SRSF3: variants seen among roughly 807,000 people sequenced by gnomAD.
SRSF3 encodes serine/arginine-rich splicing factor 3.
For missense variants in SRSF3, 58 were observed against 217.1 expected (o/e 0.27, Z 4.61); for synonymous variants, 87 against 73.6 (o/e 1.18, Z -0.93).
In SRSF3 at chr6:36,598,931, G is replaced by A. The variant is rs1322756151; in HGVS notation, c.289G>A (p.Gly97Ser). Residue 97 changes from glycine (G) to serine (S), a missense_variant, in exon 3 of 6, where the codon GGT (glycine) becomes AGT (serine). Coordinates refer to ENST00000373715, the MANE Select transcript of SRSF3 (RefSeq NM_003017.5). ...AAATCGTGGCCCACCTCCCTCTTGG[G>A]GTCGTCGCCCTCGAGATGATTATCG... ...SRNRGPPPSW[G>S]RRPRDDYRRR... 6.2e-7 allele frequency: 1 copy of A among 1,614,172 alleles called. No individual in the cohort carries two copies. The highest frequency in any genetic ancestry group is 1.7e-5 in the Admixed American group (1 of 60,024).
chr6:36,598,744 A>G lies in SRSF3; in HGVS notation c.207-105A>G. 6 of 1,319,804 alleles carry G rather than the reference A, an allele frequency of 4.5e-6. No individual in the cohort carries two copies. The South Asian group carries it at 5.5e-5, about 12-fold the overall frequency. 81.8% of individuals were successfully genotyped at this position (1,319,804 alleles called of 1,614,324 possible). On this transcript the variant is annotated intron_variant, in intron 2 of 5. Coordinates refer to ENST00000373715, the MANE Select transcript of SRSF3 (RefSeq NM_003017.5). ...AAATTTGATGTTAAATTGCACAGAC[A>G]CTTAGGTGTGTTCTTTGCAGAATAG... is the stretch of plus-strand genomic sequence containing the variant.
At position 36,601,199 on chromosome 6, in the gene SRSF3, C is replaced by G; in HGVS notation, c.380+9C>G. The stretch of plus-strand genomic sequence containing the variant: ...TCTCGCAGCCGGAGCAGGTAAATGA[C>G]TACCTTTTTTGGCTACGTTCTTAGA... On this transcript the variant is annotated intron_variant, in intron 4 of 5. Coordinates refer to ENST00000373715, the MANE Select transcript of SRSF3 (RefSeq NM_003017.5). 1 of 1,613,458 alleles carries G rather than the reference C, an allele frequency of 6.2e-7. No homozygotes were observed. The highest frequency in any genetic ancestry group is 1.7e-5 in the Admixed American group (1 of 59,936).
intron 5 of SRSF3, 77 bp from the exon 6 acceptor site, chr6:36,601,885 C>A (rs999384471): frequency 2.5e-6 from 4 of 1,574,418 alleles, no homozygotes; most frequent in Non-Finnish European, 3.4e-6. Context: ...CCTTAAAGTT[C>A]TATTTCGATA....
In SRSF3 at chr6:36,604,701, T is replaced by A. The variant is rs189553792; in HGVS notation, c.*2712T>A. On this transcript the variant is annotated 3_prime_UTR_variant, in exon 6 of 6. Coordinates refer to ENST00000373715, the MANE Select transcript of SRSF3 (RefSeq NM_003017.5). ...TGGAAAATCCAGGTTATTACTACAT[T>A]CATTTTAGTACAGTGCTGCCTAATT... The A allele has an allele frequency of 2.6e-5, 4 of 155,604 alleles. No homozygotes were observed. The East Asian group carries it at 7.0e-4, about 27-fold the overall frequency. The allele number at this position is 155,604 out of a possible 1,614,324, so 9.6% of individuals were successfully genotyped here. A position where few individuals can be genotyped will look rare whatever the true frequency, so the allele number is the denominator to read the frequency against.
In SRSF3 at chr6:36,605,482, C is replaced by G. The variant is rs993166283; in HGVS notation, c.*3493C>G. 6.8e-6 allele frequency: 1 copy of G among 146,090 alleles called. No individual in the cohort carries two copies. Among genetic ancestry groups the G allele is most frequent in the Admixed American group, 6.7e-5 (1 of 14,866 alleles). The allele number at this position is 146,090 out of a possible 1,614,324, so 9.0% of individuals were successfully genotyped here. Reference sequence around the variant, plus strand: ...TCCAGCCTGAGTGAAAGCAAAACTTCGTCTCCAAAAAAAAAAAAAAAGTTT... The same window carrying G: ...TCCAGCCTGAGTGAAAGCAAAACTTGGTCTCCAAAAAAAAAAAAAAAGTTT... On this transcript the variant is annotated 3_prime_UTR_variant, in exon 6 of 6. Transcript: ENST00000373715.
chr6:36,601,028 GACGA>G, intron 3 of SRSF3, 120 bp from the exon 4 acceptor site: 2 of 81,548 alleles, frequency 2.5e-5, no homozygotes, highest in Non-Finnish European at 2.1e-5. Context: ...TTTTTTTTTG[GACGA>G]TGGGTGCCAG....
intron 3 of SRSF3, 166 bp from the exon 4 acceptor site, chr6:36,600,986 T>TA (rs1778701596): frequency 2.0e-6 from 1 of 496,088 alleles, no homozygotes. Flanking sequence ...GCCTTTTTTT[T>TA]CTTTTCTTTT....
At chr6:36,594,897 A>C (rs1018900080) in intron 1 of SRSF3, 9 of 151,806 alleles carry the variant, frequency 5.9e-5, no homozygotes, top group African/African-American at 2.2e-4. Context: ...TAGTCACCTT[A>C]CTTTCATGTA....
chr6:36,601,247 C>T (rs1265921300), intron 4 of SRSF3, 57 bp downstream of exon 4: 9 of 1,585,620 alleles, frequency 5.7e-6, no homozygotes, highest in Admixed American at 3.4e-5. Context: ...TCTGCTATTC[C>T]TAAACTTTTC....
At position 36,601,171 on chromosome 6, in the gene SRSF3, T is replaced by G. The variant is rs1331950122; in HGVS notation, c.361T>G (p.Phe121Val). ...TTTTAGATCTCCAAGAAGGAGAAGC[T>G]TCTCTCGCAGCCGGAGCAGGTAAAT... The part of the protein sequence containing the change: ...PRRRSPRRRS[F>V]SRSRSRSLSR... The change falls in exon 4 of 6, where the codon TTC (phenylalanine) becomes GTC (valine). Residue 121 changes from phenylalanine (F) to valine (V), a missense_variant. Physicochemically the swap from Phe to Val is conservative, Grantham distance 50 (BLOSUM62 -1). Coordinates refer to ENST00000373715, the MANE Select transcript of SRSF3 (RefSeq NM_003017.5). 4 of 1,613,780 alleles carry G rather than the reference T, an allele frequency of 2.5e-6. No homozygotes were observed. Among genetic ancestry groups the G allele is most frequent in the African/African-American group, 1.3e-5 (1 of 74,860 alleles).
chr6:36,596,049 C>T (rs1483290705), intron 1 of SRSF3, among the ~76,000 whole-genome samples: 1 of 152,084 alleles, frequency 6.6e-6, no homozygotes, highest in Non-Finnish European at 1.5e-5. Flanking sequence ...CTCAGCCTCC[C>T]GAGTAGCTGG....
intron 1 of SRSF3, among the ~76,000 whole-genome samples, chr6:36,595,458 C>T (rs1275163038): frequency 1.3e-5 from 2 of 152,192 alleles, no homozygotes. Context: ...GTCACCTCCC[C>T]CCGCAGGAGA....
At chr6:36,596,510 G>GT (rs1478040455) in intron 1 of SRSF3, among the ~76,000 whole-genome samples, 4 of 124,390 alleles carry the variant, frequency 3.2e-5, no homozygotes, top group Non-Finnish European at 4.8e-5. Context: ...CAAGGAAGCT[G>GT]TTTTTTTCTT....
chr6:36,596,582 G>GGGGGC (rs1219398166), intron 1 of SRSF3, among the ~76,000 whole-genome samples, 179 bp from the exon 2 acceptor site: 5 of 144,386 alleles, frequency 3.5e-5, no homozygotes, highest in African/African-American at 1.3e-4. Context: ...GGCGGGGGGG[G>GGGGGC]GGAAATGGGT....
At chr6:36,600,028 G>T in intron 3 of SRSF3, 1 of 1,243,378 alleles carries the variant, frequency 8.0e-7, no homozygotes, top group Non-Finnish European at 1.0e-6. Flanking sequence ...TAACCAAATC[G>T]GCAGCAGCCA....
intron 1 of SRSF3, among the ~76,000 whole-genome samples, chr6:36,596,346 C>T (rs1003394291): frequency 3.9e-5 from 6 of 152,198 alleles, no homozygotes; most frequent in African/African-American, 1.4e-4. Context: ...TAGCTTTCTT[C>T]ATCATTGTTT....
At chr6:36,597,009 T>G in intron 2 of SRSF3, 41 bp downstream of exon 2, 1 of 1,591,046 alleles carries the variant, frequency 6.3e-7, no homozygotes, top group Non-Finnish European at 8.6e-7. Flanking sequence ...GTTGCTTGTG[T>G]TTTTCATATT....
chr6:36,596,738 A>C (rs967781018), intron 1 of SRSF3, 23 bp from the exon 2 acceptor site: 1 of 1,602,956 alleles, frequency 6.2e-7, no homozygotes. Flanking sequence ...ATGAATGAAT[A>C]TTTTTGGTAT....
chr6:36,598,749 G>C, intron 2 of SRSF3, 100 bp from the exon 3 acceptor site: 3 of 1,347,486 alleles, frequency 2.2e-6, no homozygotes, highest in Non-Finnish European at 1.0e-6. Context: ...CAGACACTTA[G>C]GTGTGTTCTT....
Sources: gnomAD v4.1 joint callset for allele counts (sites outside exome capture counted in the v4.1 genomes callset) on GRCh38, gnomAD v4.1.1 for gene constraint, MANE v1.5 for transcripts, NCBI Gene and HGNC (gene_info 2026-07-23, HGNC 2026-07-21) for gene names.